The following USP31 variants were observed in gnomAD, a reference collection of about 807,000 sequenced individuals.
The protein encoded by USP31 is ubiquitin carboxyl-terminal hydrolase 31.
A neutral mutation model predicts 119.4 loss-of-function variants in USP31; 44 were observed. The ratio of observed to expected loss-of-function variants is 0.37; its 90% CI spans 0.29 to 0.47. USP31 has a LOEUF of 0.47. Ranked by LOEUF, USP31 falls within the 20% of genes least tolerant of loss-of-function variation. The pLI is 0.99. For synonymous variants in USP31, 749 were observed against 705.6 expected (o/e 1.06, Z -0.97); for missense variants, 1,643 against 1,730.2 (o/e 0.95, Z 0.89).
At position 23,149,355 on chromosome 16, in the gene USP31, C is replaced by T. The variant is rs1903651140; in HGVS notation, c.-85G>A. 2 of 994,958 alleles carry T rather than the reference C, an allele frequency of 2.0e-6. No homozygotes were observed. The highest frequency in any genetic ancestry group is 2.4e-6 in the Non-Finnish European group (2 of 837,754). 61.6% of individuals were successfully genotyped at this position (994,958 alleles called of 1,614,324 possible). On this transcript the variant is annotated 5_prime_UTR_variant, in exon 1 of 16. Transcript: ENST00000219689. Reference sequence around the variant, plus strand: ...GCCGCCGCCGCATCCCGCAGCGCCGCGCCTCACCGGGCCCGGGGGCTCGAC... The same window carrying T: ...GCCGCCGCCGCATCCCGCAGCGCCGTGCCTCACCGGGCCCGGGGGCTCGAC...
chr16:23,062,154 T>C lies in USP31; in HGVS notation c.*5892A>G, dbSNP rs979151833. ...TAAAATGTTGAAAACACCAGGTAAA[T>C]TGTGGTGTTTTGTAGGCAGCATGAG... On this transcript the variant is annotated 3_prime_UTR_variant, in exon 16 of 16. Coordinates refer to ENST00000219689, the MANE Select transcript of USP31 (RefSeq NM_020718.4). 6.6e-6 allele frequency: 1 copy of C among 152,590 alleles called. No homozygotes were observed. Among genetic ancestry groups the C allele is most frequent in the African/African-American group, 2.4e-5 (1 of 41,442 alleles). The allele number at this position is 152,590 out of a possible 1,614,324, so 9.5% of individuals were successfully genotyped here. A position where few individuals can be genotyped will look rare whatever the true frequency, so the allele number is the denominator to read the frequency against.
At chr16:23,093,514 TC>T (rs112547376) in intron 6 of USP31, among the ~76,000 whole-genome samples, 2 of 152,032 alleles carry the variant, frequency 1.3e-5, no homozygotes, top group East Asian at 3.9e-4. Flanking sequence ...ATGGCTAAAA[TC>T]AAAAAGATGA....
chr16:23,082,831 C>CTCTTTT (rs749099969), intron 11 of USP31, among the ~76,000 whole-genome samples: 85 of 129,304 alleles, frequency 6.6e-4, no homozygotes, highest in Non-Finnish European at 1.2e-3. Context: ...CTTTCTCTCT[C>CTCTTTT]TTTTTTTTTT....
Position 23,148,818 on chromosome 16 carries a change from G to A in USP31, c.453C>T (p.Leu151=), listed in dbSNP as rs769973169. 2 of 1,538,914 alleles carry A rather than the reference G, an allele frequency of 1.3e-6. No individual in the cohort carries two copies. Among genetic ancestry groups the A allele is most frequent in the Non-Finnish European group, 1.7e-6 (2 of 1,146,756 alleles). The change falls in exon 1 of 16, where the codon CTC becomes CTT. Residue 151 remains leucine, a synonymous_variant. Coordinates refer to ENST00000219689, the MANE Select transcript of USP31 (RefSeq NM_020718.4). The part of the protein sequence containing the change: ...ATLQCLSNTE[L]FAEYLALGQY... Reference sequence around the variant, plus strand: ...GGCCCAGCGCCAGGTACTCGGCGAAGAGCTCGGTGTTGCTGAGGCACTGCA... The same window carrying A: ...GGCCCAGCGCCAGGTACTCGGCGAAAAGCTCGGTGTTGCTGAGGCACTGCA...
At chr16:23,146,518 A>G (rs1903511066) in intron 1 of USP31, among the ~76,000 whole-genome samples, 1 of 151,652 alleles carries the variant, frequency 6.6e-6, no homozygotes, top group Admixed American at 6.6e-5. Flanking sequence ...ACAGAGTGAG[A>G]CTCCATCTCA....
chr16:23,126,852 T>C (rs1902875386), intron 1 of USP31, among the ~76,000 whole-genome samples: 1 of 152,150 alleles, frequency 6.6e-6, no homozygotes, highest in Admixed American at 6.5e-5. Flanking sequence ...TGCTACCATT[T>C]ATCTAAATAA....
At position 23,063,754 on chromosome 16, in the gene USP31, C is replaced by A. The variant is rs1899948592; in HGVS notation, c.*4292G>T. ...GTTGCCTTTTTTTTTTAAGACTTAA[C>A]ATTTCATGTCTATATGTTTTATTGT... On this transcript the variant is annotated 3_prime_UTR_variant, in exon 16 of 16. Transcript: ENST00000219689. 6.6e-6 allele frequency: 1 copy of A among 150,970 alleles called. No homozygotes were observed. The highest frequency in any genetic ancestry group is 1.9e-4 in the East Asian group (1 of 5,162). 9.4% of individuals were successfully genotyped at this position (150,970 alleles called of 1,614,324 possible). A position where few individuals can be genotyped will look rare whatever the true frequency, so the allele number is the denominator to read the frequency against.
chr16:23,069,011 T>A lies in USP31; in HGVS notation c.3094A>T (p.Thr1032Ser). The A allele has an allele frequency of 6.2e-7, 1 of 1,613,880 alleles. No individual in the cohort carries two copies. Among genetic ancestry groups the A allele is most frequent in the Admixed American group, 1.7e-5 (1 of 60,026 alleles). The change falls in exon 16 of 16, where the codon ACT becomes TCT. Residue 1032 changes from threonine (T) to serine (S), a missense_variant. Coordinates refer to ENST00000219689, the MANE Select transcript of USP31 (RefSeq NM_020718.4). The part of the protein sequence containing the change: ...TTKRSPSSKG[T>S]SEPEKSLRKG... ...CGCAAGCTTTTCTCTGGCTCAGAAG[T>A]GCCTTTGGAACTGGGGGATCTCTTA... is the stretch of plus-strand genomic sequence containing the variant.
intron 1 of USP31, among the ~76,000 whole-genome samples, chr16:23,133,670 T>G (rs563866604): frequency 5.9e-5 from 9 of 152,348 alleles, no homozygotes; most frequent in African/African-American, 2.2e-4. Flanking sequence ...TTTCCTACTA[T>G]AGCATTTTTA....
chr16:23,086,962 A>G, intron 9 of USP31, 130 bp downstream of exon 9: 1 of 638,298 alleles, frequency 1.6e-6, no homozygotes, highest in Non-Finnish European at 2.7e-6. Flanking sequence ...AAGTAAAATA[A>G]GTACTTAATT....
At chr16:23,111,891 A>C (rs1902330222) in intron 1 of USP31, among the ~76,000 whole-genome samples, 1 of 152,230 alleles carries the variant, frequency 6.6e-6, no homozygotes, top group South Asian at 2.1e-4. Context: ...ACTATATTCC[A>C]ATTAAGACAA....
chr16:23,102,463 T>A lies in USP31; in HGVS notation c.1090A>T (p.Ile364Phe). 1 of 1,593,510 alleles carries A rather than the reference T, an allele frequency of 6.3e-7. No individual in the cohort carries two copies. Among genetic ancestry groups the A allele is most frequent in the Non-Finnish European group, 8.5e-7 (1 of 1,171,638 alleles). ...TCATAGTACATTTCTGTTAACACAATCTAAAAATAGGAAAAATGTAAACAG... is the reference window on the plus strand; with the variant it reads ...TCATAGTACATTTCTGTTAACACAAACTAAAAATAGGAAAAATGTAAACAG... ...SMETKIPTDQ[I>F]VLTEMYYDGF... Residue 364 changes from isoleucine (I) to phenylalanine (F), a missense_variant and splice_region_variant, in exon 6 of 16, where the codon ATT becomes TTT. Coordinates refer to ENST00000219689, the MANE Select transcript of USP31 (RefSeq NM_020718.4).
chr16:23,112,607 T>C (rs1382972861), intron 1 of USP31, among the ~76,000 whole-genome samples: 1 of 151,682 alleles, frequency 6.6e-6, no homozygotes, highest in African/African-American at 2.4e-5. Context: ...AAAAAAAAAA[T>C]CTTATTCCAT....
chr16:23,077,810 G>A (rs188289195), intron 13 of USP31, among the ~76,000 whole-genome samples: 3 of 152,124 alleles, frequency 2.0e-5, no homozygotes, highest in Admixed American at 6.5e-5. Context: ...CTCCCAAAAG[G>A]CTCAAGCAGG....
At chr16:23,075,819 G>A (rs1271678357) in intron 13 of USP31, among the ~76,000 whole-genome samples, 1 of 152,184 alleles carries the variant, frequency 6.6e-6, no homozygotes, top group Non-Finnish European at 1.5e-5. Flanking sequence ...GGCCATGGTG[G>A]CTTATGCCTA....
At chr16:23,128,284 G>A (rs909036256) in intron 1 of USP31, among the ~76,000 whole-genome samples, 1 of 152,154 alleles carries the variant, frequency 6.6e-6, no homozygotes, top group African/African-American at 2.4e-5. Flanking sequence ...TGATGAGCCT[G>A]GAACATCTTA....
At chr16:23,110,855 G>A (rs996802491) in intron 1 of USP31, among the ~76,000 whole-genome samples, 1 of 152,306 alleles carries the variant, frequency 6.6e-6, no homozygotes, top group Non-Finnish European at 1.5e-5. Flanking sequence ...GGGGCCGGGC[G>A]CAGTGGCTCA....
intron 7 of USP31, among the ~76,000 whole-genome samples, chr16:23,088,112 G>A (rs1389688159): frequency 6.6e-6 from 1 of 152,306 alleles, no homozygotes; most frequent in East Asian, 1.9e-4. Flanking sequence ...AGTGAAGATG[G>A]AGAGCACAGG....
intron 1 of USP31, among the ~76,000 whole-genome samples, chr16:23,123,869 G>A (rs911053374): frequency 2.0e-5 from 3 of 151,900 alleles, no homozygotes; most frequent in South Asian, 2.1e-4. Context: ...GCATGGTGGC[G>A]CACACCTGTG....
Sources: allele counts gnomAD v4.1 joint callset (sites outside exome capture counted in the v4.1 genomes callset), GRCh38; gene constraint gnomAD v4.1.1; transcripts MANE v1.5; gene names NCBI Gene and HGNC (gene_info 2026-07-23, HGNC 2026-07-21).